Variants in SYNDIG1 observed in about 807,000 individuals in gnomAD.
The protein encoded by SYNDIG1 is synapse differentiation-inducing gene protein 1.
In SYNDIG1, 9 loss-of-function variants were observed where a neutral mutation model predicts 19.4. That is an observed-to-expected ratio of 0.46 (90% CI 0.28 to 0.81). The LOEUF (loss-of-function observed/expected upper bound fraction) is 0.81. Among genes scored for constraint, SYNDIG1 ranks in the 30% least tolerant of loss-of-function variants. The pLI, the probability that SYNDIG1 is intolerant of heterozygous loss-of-function variation, is 0.12. For missense variants in SYNDIG1, 311 were observed against 343.3 expected (o/e 0.91, Z 0.74); for synonymous variants, 141 against 145.9 (o/e 0.97, Z 0.24).
chr20:24,494,505 A>G (rs557563085), intron 1 of SYNDIG1, among the ~76,000 whole-genome samples: 1 of 152,266 alleles, frequency 6.6e-6, no homozygotes, highest in South Asian at 2.1e-4. Flanking sequence ...GGGTGAATGG[A>G]CAGGGCGCCT....
intron 3 of SYNDIG1, among the ~76,000 whole-genome samples, chr20:24,635,972 T>C (rs984801237): frequency 6.6e-6 from 1 of 152,220 alleles, no homozygotes; most frequent in Non-Finnish European, 1.5e-5. Context: ...TCTGGAAATT[T>C]TGTAGTTATT....
chr20:24,591,135 C>A (rs532436286), intron 3 of SYNDIG1, among the ~76,000 whole-genome samples: 18 of 151,516 alleles, frequency 1.2e-4, no homozygotes, highest in Non-Finnish European at 2.1e-4. Flanking sequence ...TACTATACTT[C>A]AATTAAAACA....
At chr20:24,587,289 A>C (rs905299296) in intron 3 of SYNDIG1, among the ~76,000 whole-genome samples, 5 of 152,168 alleles carry the variant, frequency 3.3e-5, no homozygotes, top group Admixed American at 3.3e-4. Flanking sequence ...TAAAACTACA[A>C]CAGAGAAGAG....
Position 24,606,976 on chromosome 20 carries a change from C to T in SYNDIG1, c.618+21983C>T, listed in dbSNP as rs182309827. 1.1e-4 allele frequency among the ~76,000 whole-genome samples: 16 copies of T among 152,304 alleles called. No individual in the cohort carries two copies. In the East Asian group the frequency reaches 2.9e-3, roughly 28 times the overall value. On this transcript the variant is annotated intron_variant, in intron 3 of 3. Transcript: ENST00000376862. ...TAGGGAGTTTGAAATAAGGAGTTTGCAAGAATCATGTGTTATATGAACGGA... is the reference window on the plus strand; with the variant it reads ...TAGGGAGTTTGAAATAAGGAGTTTGTAAGAATCATGTGTTATATGAACGGA...
chr20:24,487,519 A>G (rs1221642419), intron 1 of SYNDIG1, among the ~76,000 whole-genome samples: 2 of 152,136 alleles, frequency 1.3e-5, no homozygotes, highest in African/African-American at 4.8e-5. Context: ...TATCTCAGGA[A>G]TGTGAGGTAA....
At chr20:24,597,652 A>C (rs1394716978) in intron 3 of SYNDIG1, among the ~76,000 whole-genome samples, 1 of 152,162 alleles carries the variant, frequency 6.6e-6, no homozygotes, top group Non-Finnish European at 1.5e-5. Context: ...TAGAACACAG[A>C]ACCTGCAGCA....
chr20:24,653,607 GC>G (rs1435744054), intron 3 of SYNDIG1, among the ~76,000 whole-genome samples: 2 of 152,172 alleles, frequency 1.3e-5, no homozygotes, highest in African/African-American at 2.4e-5. Flanking sequence ...GTGCTCCTTA[GC>G]CCCCCTGGCT....
At chr20:24,469,812 G>A in intron 1 of SYNDIG1, 59 bp downstream of exon 1, 1 of 152,214 alleles carries the variant, frequency 6.6e-6, no homozygotes, top group Non-Finnish European at 1.5e-5. Context: ...GGGCGGGGTC[G>A]CGGCAGGGGC....
intron 3 of SYNDIG1, among the ~76,000 whole-genome samples, chr20:24,610,123 C>G (rs1042172310): frequency 2.6e-5 from 4 of 152,140 alleles, no homozygotes; most frequent in Non-Finnish European, 4.4e-5. Context: ...ATCCTAAATA[C>G]AGGTGAAAAC....
At chr20:24,540,690 G>A (rs1600565655) in intron 1 of SYNDIG1, among the ~76,000 whole-genome samples, 1 of 152,100 alleles carries the variant, frequency 6.6e-6, no homozygotes, top group South Asian at 2.1e-4. Context: ...TGTTAATGTG[G>A]TGTATTACAA....
At chr20:24,596,368 GA>G (rs144207062) in intron 3 of SYNDIG1, among the ~76,000 whole-genome samples, 4,657 of 152,080 alleles carry the variant, frequency 0.031, 152 homozygotes, top group African/African-American at 0.084. Context: ...AATTAAATGT[GA>G]AATCTCTAAA....
chr20:24,477,092 C>T (rs1198009948), intron 1 of SYNDIG1, among the ~76,000 whole-genome samples: 1 of 152,228 alleles, frequency 6.6e-6, no homozygotes, highest in Non-Finnish European at 1.5e-5. Flanking sequence ...TCCTTCCTTG[C>T]CTATTGCTAG....
intron 3 of SYNDIG1, among the ~76,000 whole-genome samples, chr20:24,664,074 C>T (rs1280010212): frequency 6.6e-6 from 1 of 151,908 alleles, no homozygotes; most frequent in African/African-American, 2.4e-5. Flanking sequence ...AGTTCCAAGA[C>T]AAAAAGTTGG....
chr20:24,531,049 G>C (rs972298470), intron 1 of SYNDIG1, among the ~76,000 whole-genome samples: 1 of 151,654 alleles, frequency 6.6e-6, no homozygotes, highest in African/African-American at 2.4e-5. Flanking sequence ...AGCTCAGGCA[G>C]TCTGCCTGCC....
chr20:24,629,602 A>G (rs2059210173), intron 3 of SYNDIG1, among the ~76,000 whole-genome samples: 1 of 151,918 alleles, frequency 6.6e-6, no homozygotes, highest in Non-Finnish European at 1.5e-5. Context: ...TCAAGACCAT[A>G]CAAATAAGCC....
intron 1 of SYNDIG1, among the ~76,000 whole-genome samples, chr20:24,531,028 T>C (rs1209443319): frequency 3.9e-5 from 6 of 152,114 alleles, no homozygotes; most frequent in Admixed American, 6.5e-5. Context: ...CAGGCTGGTC[T>C]TGAACTCCTG....
At chr20:24,483,886 G>A (rs1029465967) in intron 1 of SYNDIG1, among the ~76,000 whole-genome samples, 2 of 152,286 alleles carry the variant, frequency 1.3e-5, no homozygotes, top group African/African-American at 2.4e-5. Context: ...GCAGGCCAGC[G>A]GGGATGCTGC....
At chr20:24,551,627 T>C (rs976995051) in intron 2 of SYNDIG1, among the ~76,000 whole-genome samples, 4 of 152,148 alleles carry the variant, frequency 2.6e-5, no homozygotes, top group African/African-American at 9.7e-5. Context: ...TATTCAAGGC[T>C]ATCACTTTCT....
At chr20:24,557,886 G>A (rs1318508619) in intron 2 of SYNDIG1, among the ~76,000 whole-genome samples, 1 of 152,186 alleles carries the variant, frequency 6.6e-6, no homozygotes, top group African/African-American at 2.4e-5. Context: ...GCTCATGCTA[G>A]GAGCTGTAGA....
Sources: gnomAD v4.1 joint callset for allele counts (sites outside exome capture counted in the v4.1 genomes callset) on GRCh38, gnomAD v4.1.1 for gene constraint, MANE v1.5 for transcripts, NCBI Gene and HGNC (gene_info 2026-07-23, HGNC 2026-07-21) for gene names.